The following CLCN5 variants were observed in gnomAD, a reference collection of about 807,000 sequenced individuals.
The protein encoded by CLCN5 is H(+)/Cl(-) exchange transporter 5.
Under a neutral mutation model 54.0 loss-of-function variants are expected in CLCN5, and 17 were observed. The ratio of observed to expected loss-of-function variants is 0.31; its 90% CI spans 0.22 to 0.47. The LOEUF (loss-of-function observed/expected upper bound fraction) is 0.47. CLCN5 is among the 20% of genes least tolerant of loss of function. The pLI, the probability that CLCN5 is intolerant of heterozygous loss-of-function variation, is 1.00. For synonymous variants in CLCN5, 222 were observed against 233.0 expected (o/e 0.95, Z 0.43); for missense variants, 448 against 646.7 (o/e 0.69, Z 3.33).
intron 3 of CLCN5, among the ~76,000 whole-genome samples, chrX:49,947,934 G>A (rs189204457): frequency 4.5e-5 from 5 of 110,657 alleles, no homozygotes; most frequent in Admixed American, 2.9e-4. Context: ...ACCTTTTCCC[G>A]TTTTGGGTTG....
chrX:50,051,299 C>T (rs1245709107), intron 4 of CLCN5, among the ~76,000 whole-genome samples: 3 of 112,078 alleles, frequency 2.7e-5, no homozygotes, highest in African/African-American at 9.7e-5. Flanking sequence ...ACTGATTTGC[C>T]TTTGCGCCTT....
At chrX:49,928,044 G>T (rs1925439489) in intron 3 of CLCN5, among the ~76,000 whole-genome samples, 2 of 112,023 alleles carry the variant, frequency 1.8e-5, no homozygotes, top group African/African-American at 3.2e-5. Context: ...TGGGTTAATG[G>T]TTATAAACAT....
chrX:50,067,663 G>T, intron 4 of CLCN5: 1 of 753,328 alleles, frequency 1.3e-6, no homozygotes, highest in Non-Finnish European at 1.6e-6. Flanking sequence ...TTCAGACTGG[G>T]GCTTCTTTTG....
intron 3 of CLCN5, among the ~76,000 whole-genome samples, chrX:50,028,815 C>T (rs1408506725): frequency 8.9e-6 from 1 of 111,860 alleles, no homozygotes; most frequent in Non-Finnish European, 1.9e-5. Flanking sequence ...TTTTTCTGTT[C>T]CTTTCACTTC....
Position 50,002,677 on chromosome X carries a change from CTCTCTG to C in CLCN5, c.17-39637_17-39632del, listed in dbSNP as rs1298993456. Among the ~76,000 whole-genome samples the C allele has an allele frequency of 7.9e-5, 8 of 101,063 alleles. No homozygotes were observed. In the East Asian group the frequency reaches 1.2e-3, roughly 15 times the overall value. The allele number at this position is 101,063 out of a possible 115,157, so 87.8% of individuals were successfully genotyped here. ...TCTCTGTCTCTGTCTCTCTCTCTCT[CTCTCTG>C]TGTGTGTGTGTGTGTGTGTGTGTGT... On this transcript the variant is annotated intron_variant, in intron 3 of 14. Coordinates refer to ENST00000376091, the MANE Select transcript of CLCN5 (RefSeq NM_001127898.4).
At chrX:49,983,863 T>A (rs781920570) in intron 3 of CLCN5, among the ~76,000 whole-genome samples, 1 of 110,242 alleles carries the variant, frequency 9.1e-6, no homozygotes, top group Admixed American at 9.7e-5. Flanking sequence ...TTTTTAACTT[T>A]GTTTATCAAA....
intron 3 of CLCN5, among the ~76,000 whole-genome samples, chrX:50,005,490 C>T (rs1459928618): frequency 3.6e-5 from 4 of 111,443 alleles, no homozygotes; most frequent in African/African-American, 1.3e-4. Context: ...CCAGTGTTGC[C>T]GTCTTTATAG....
chrX:50,091,465 C>T (rs1346108278), intron 14 of CLCN5, among the ~76,000 whole-genome samples: 6 of 111,524 alleles, frequency 5.4e-5, no homozygotes, highest in African/African-American at 9.8e-5. Flanking sequence ...AAACATGCTA[C>T]GTTAATCCAG....
chrX:49,944,503 C>G (rs1380009748), intron 3 of CLCN5, among the ~76,000 whole-genome samples: 1 of 111,691 alleles, frequency 9.0e-6, no homozygotes, highest in African/African-American at 3.3e-5. Flanking sequence ...GGGAATGCTT[C>G]CAGTTTTTGC....
chrX:50,048,377 G>A (rs1220856626), intron 4 of CLCN5, among the ~76,000 whole-genome samples: 2 of 112,452 alleles, frequency 1.8e-5, no homozygotes, highest in African/African-American at 6.5e-5. Flanking sequence ...GGGACCCCCT[G>A]GTTTAGCTCA....
At chrX:50,069,724 T>C in intron 4 of CLCN5, 155 bp from the exon 5 acceptor site, 1 of 1,055,337 alleles carries the variant, frequency 9.5e-7, no homozygotes, top group South Asian at 2.8e-5. Flanking sequence ...AACCTCTGAA[T>C]GTAATGGATG....
intron 3 of CLCN5, among the ~76,000 whole-genome samples, chrX:49,940,280 G>A (rs453601): frequency 2.7e-5 from 3 of 112,038 alleles, no homozygotes; most frequent in African/African-American, 6.5e-5. Context: ...GGGTTGTTAC[G>A]AAGAGTTAAT....
At chrX:50,032,183 T>C (rs1182574502) in intron 3 of CLCN5, among the ~76,000 whole-genome samples, 4 of 111,448 alleles carry the variant, frequency 3.6e-5, no homozygotes, top group African/African-American at 6.5e-5. Context: ...TAAACATACA[T>C]GTGCATGTGT....
intron 4 of CLCN5, among the ~76,000 whole-genome samples, chrX:50,055,329 A>T (rs1932711391): frequency 8.9e-6 from 1 of 112,021 alleles, no homozygotes; most frequent in Non-Finnish European, 1.9e-5. Context: ...ACAGATGGAA[A>T]ACCTGTAAAC....
Position 50,070,012 on chromosome X carries a change from C to T in CLCN5, c.297C>T (p.Asp99=), listed in dbSNP as rs1569539996. Residue 99 remains aspartate (D), a synonymous_variant, in exon 5 of 15, where the codon GAC becomes GAT. Coordinates refer to ENST00000376091, the MANE Select transcript of CLCN5 (RefSeq NM_001127898.4). The part of the protein sequence containing the change: ...TIDWVREKSR[D]RDRHREITNK... Reference sequence around the variant, plus strand: ...ATTGGGTGAGAGAGAAGTCTCGAGACCGGGATAGGCACCGAGAGGTAAGAC... The same window carrying T: ...ATTGGGTGAGAGAGAAGTCTCGAGATCGGGATAGGCACCGAGAGGTAAGAC... The T allele has an allele frequency of 1.7e-6, 2 of 1,208,134 alleles. No homozygotes were observed. Among genetic ancestry groups the T allele is most frequent in the East Asian group, 3.0e-5 (1 of 33,754 alleles).
chrX:50,009,815 G>A (rs782464193), intron 3 of CLCN5: 4 of 385,373 alleles, frequency 1.0e-5, no homozygotes, highest in East Asian at 1.5e-4. Context: ...CCCCCTCTGC[G>A]TGGAGAACAG....
intron 3 of CLCN5, among the ~76,000 whole-genome samples, chrX:50,004,241 CA>C (rs1293964332): frequency 1.8e-5 from 2 of 111,964 alleles, no homozygotes; most frequent in Admixed American, 9.4e-5. Flanking sequence ...CCCTATGCAC[CA>C]GGGATACACC....
At chrX:50,066,232 G>A (rs1933016066) in intron 4 of CLCN5, among the ~76,000 whole-genome samples, 1 of 97,560 alleles carries the variant, frequency 1.0e-5, no homozygotes, top group Admixed American at 1.1e-4. Context: ...TCACAGTTGG[G>A]CCACAAATGG....
intron 3 of CLCN5, among the ~76,000 whole-genome samples, chrX:50,004,583 TA>T (rs201148906): frequency 5.5e-4 from 60 of 108,397 alleles, no homozygotes; most frequent in Middle Eastern, 9.3e-3. Context: ...AGGCCGCTTT[TA>T]AAAAAAAAAT....
Sources: allele counts gnomAD v4.1 joint callset (sites outside exome capture counted in the v4.1 genomes callset), GRCh38; gene constraint gnomAD v4.1.1; transcripts MANE v1.5; gene names NCBI Gene and HGNC (gene_info 2026-07-23, HGNC 2026-07-21).